Variants in TEX15 observed in about 807,000 individuals in gnomAD.
The protein encoded by TEX15 is testis-expressed protein 15.
Under a neutral mutation model 237.3 loss-of-function variants are expected in TEX15, and 171 were observed. The ratio of observed to expected loss-of-function variants is 0.72; its 90% CI spans 0.64 to 0.82. The LOEUF is 0.82. Ranked by LOEUF, TEX15 falls within the 40% of genes least tolerant of loss-of-function variation. TEX15 has a pLI of 0.00. For synonymous variants in TEX15, 1,338 were observed against 1,269.8 expected, an observed-to-expected ratio of 1.05 and a Z score of -1.14; for missense variants, 3,750 against 3,646.5, an observed-to-expected ratio of 1.03 and a Z score of -0.73.
rs145179725 is a variant in TEX15, at chr8:30,844,026, A to T, written c.6141T>A (p.Ile2047=). Residue 2047 remains isoleucine, a synonymous_variant, in exon 8 of 11, where the codon ATT becomes ATA. Coordinates refer to ENST00000643185, the MANE Select transcript of TEX15 (RefSeq NM_001350162.2). Reference sequence around the variant, plus strand: ...TTTGGTCTACCAACAGTTCTCTTGAAATCAGGATTTGTTCAACTGAACATT... The same window carrying T: ...TTTGGTCTACCAACAGTTCTCTTGATATCAGGATTTGTTCAACTGAACATT... ...KQECSVEQIL[I]SRELLVDQNL... is the part of the protein sequence containing the mutation. The T allele has an allele frequency of 1.4e-4, 233 of 1,611,712 alleles. No individual in the cohort carries two copies. In the African/African-American group the frequency reaches 2.3e-3, roughly 16 times the overall value.
Position 30,845,779 on chromosome 8 carries a change from G to A in TEX15, c.4388C>T (p.Ala1463Val). The A allele has an allele frequency of 6.2e-7, 1 of 1,611,626 alleles. No homozygotes were observed. The change falls in exon 8 of 11, where the codon GCT becomes GTT. Residue 1463 changes from alanine to valine, a missense_variant. By Grantham distance (64) the Ala-to-Val change is moderately conservative. Transcript: ENST00000643185. Reference protein sequence around the residue: ...DKRRKKRAPKADISKSLTHVS... With the variant: ...DKRRKKRAPKVDISKSLTHVS... Reference sequence around the variant, plus strand: ...ATGGGTTAATGATTTAGAAATATCAGCTTTTGGAGCTCTTTTCTTTCTCCG... The same window carrying A: ...ATGGGTTAATGATTTAGAAATATCAACTTTTGGAGCTCTTTTCTTTCTCCG...
In TEX15 at chr8:30,884,873, T is replaced by A. The variant is rs190879826; in HGVS notation, c.136+2294A>T. 1.2e-4 allele frequency among the ~76,000 whole-genome samples: 18 copies of A among 152,290 alleles called. No homozygotes were observed. In the East Asian group the frequency reaches 3.5e-3, roughly 29 times the overall value. ...ATTATTTTCTTCTGCTTATTTTGGATTTAATTTGTCCTCTTTTTTCTAGTT... is the reference window on the plus strand; with the variant it reads ...ATTATTTTCTTCTGCTTATTTTGGAATTAATTTGTCCTCTTTTTTCTAGTT... On this transcript the variant is annotated intron_variant, in intron 3 of 10. Coordinates refer to ENST00000643185, the MANE Select transcript of TEX15 (RefSeq NM_001350162.2).
chr8:30,904,059 G>A (rs1809052502), intron 1 of TEX15, among the ~76,000 whole-genome samples: 1 of 152,128 alleles, frequency 6.6e-6, no homozygotes, highest in Non-Finnish European at 1.5e-5. Context: ...AGACATTAGG[G>A]AAATACAAAG....
chr8:30,909,180 A>C (rs1809168831), intron 1 of TEX15, among the ~76,000 whole-genome samples: 1 of 152,040 alleles, frequency 6.6e-6, no homozygotes, highest in South Asian at 2.1e-4. Context: ...TTATCCTAAA[A>C]AATCTTCAAA....
In TEX15 at chr8:30,837,565, G is replaced by C; in HGVS notation, c.8719C>G (p.Pro2907Ala). ...ACTGTGTCATTCATTTCTAGATCAG[G>C]ATGGACATCTTTCACAAAACAGAAA... is the stretch of plus-strand genomic sequence containing the variant. ...PIFCFVKDVH[P>A]DLEMNDTVFE... The change falls in exon 10 of 11, where the codon CCT (proline) becomes GCT (alanine). Residue 2907 changes from proline to alanine, a missense_variant. Physicochemically the swap from Pro to Ala is conservative, Grantham distance 27. Transcript: ENST00000643185. 1 of 1,613,954 alleles carries C rather than the reference G, an allele frequency of 6.2e-7. No homozygotes were observed. The highest frequency in any genetic ancestry group is 8.5e-7 in the Non-Finnish European group (1 of 1,179,910).
intron 5 of TEX15, among the ~76,000 whole-genome samples, chr8:30,864,945 T>C (rs1289720815): frequency 3.3e-5 from 5 of 152,104 alleles, no homozygotes; most frequent in African/African-American, 1.2e-4. Context: ...AAAATGTGTT[T>C]TGTAAGCCTT....
chr8:30,836,644 C>A (rs1807307240), intron 10 of TEX15, among the ~76,000 whole-genome samples, 159 bp downstream of exon 10: 1 of 152,126 alleles, frequency 6.6e-6, no homozygotes, highest in Admixed American at 6.5e-5. Context: ...TAGATTTCCA[C>A]CCTCTCTGCC....
Position 30,837,086 on chromosome 8 carries a change from T to C in TEX15, c.9198A>G (p.Ser3066=), listed in dbSNP as rs1379830255. ...CAGAAGGAGATGGCTGTACTTCATATGATGTTATCCCTTGGTATGTCTGGG... is the reference window on the plus strand; with the variant it reads ...CAGAAGGAGATGGCTGTACTTCATACGATGTTATCCCTTGGTATGTCTGGG... ...AITQTYQGIT[S]YEVQPSPSGL... The change falls in exon 10 of 11, where the codon TCA becomes TCG. Residue 3066 remains serine, a synonymous_variant. Coordinates refer to ENST00000643185, the MANE Select transcript of TEX15 (RefSeq NM_001350162.2). 2 of 1,614,208 alleles carry C rather than the reference T, an allele frequency of 1.2e-6. No individual in the cohort carries two copies. The highest frequency in any genetic ancestry group is 1.7e-6 in the Non-Finnish European group (2 of 1,180,046).
In TEX15 at chr8:30,842,558, C is replaced by A; in HGVS notation, c.7609G>T (p.Ala2537Ser). Residue 2537 changes from alanine to serine, a missense_variant, in exon 8 of 11, where the codon GCT becomes TCT. Coordinates refer to ENST00000643185, the MANE Select transcript of TEX15 (RefSeq NM_001350162.2). ...AGTTCTCTTGAGAGCAAATGAATAG[C>A]ATATGAGCAATTAACAGCTTCATTA... ...KYNEAVNCSY[A>S]IHLLSRELQE... The A allele has an allele frequency of 6.2e-7, 1 of 1,610,698 alleles. No individual in the cohort carries two copies. Among genetic ancestry groups the A allele is most frequent in the East Asian group, 2.2e-5 (1 of 44,842 alleles).
chr8:30,857,831 T>C (rs977175137), intron 7 of TEX15, among the ~76,000 whole-genome samples: 1 of 151,996 alleles, frequency 6.6e-6, no homozygotes, highest in African/African-American at 2.4e-5. Flanking sequence ...AAAACCACAA[T>C]GAAATAACAT....
chr8:30,899,147 C>G (rs12682172), intron 1 of TEX15, among the ~76,000 whole-genome samples: 7 of 152,152 alleles, frequency 4.6e-5, no homozygotes, highest in Non-Finnish European at 1.0e-4. Context: ...TTGGGAAAAC[C>G]ACCTGTAACG....
At chr8:30,852,090 T>C (rs1190745826) in intron 7 of TEX15, among the ~76,000 whole-genome samples, 2 of 149,530 alleles carry the variant, frequency 1.3e-5, no homozygotes, top group Non-Finnish European at 3.0e-5. Context: ...CTTATGTACA[T>C]TAATTTAATC....
At chr8:30,911,429 G>A (rs1302177481) in intron 1 of TEX15, among the ~76,000 whole-genome samples, 1 of 152,174 alleles carries the variant, frequency 6.6e-6, no homozygotes, top group African/African-American at 2.4e-5. Context: ...TAGGACTACA[G>A]GCGTTGAGCC....
At chr8:30,855,068 A>G (rs1394549566) in intron 7 of TEX15, among the ~76,000 whole-genome samples, 1 of 152,152 alleles carries the variant, frequency 6.6e-6, no homozygotes, top group African/African-American at 2.4e-5. Flanking sequence ...ATACAGACAA[A>G]GATGTCTGCT....
rs763013817 is a variant in TEX15, at chr8:30,845,667, G to A, written c.4500C>T (p.His1500=). Residue 1500 remains histidine, a synonymous_variant, in exon 8 of 11, where the codon CAC becomes CAT. Transcript: ENST00000643185. ...KSMASSVSKS[H]PTTSHMGEFC... is the part of the protein sequence containing the mutation. The stretch of plus-strand genomic sequence containing the variant: ...ATTCTCCCATGTGACTGGTGGTGGG[G>A]TGACTTTTTGAGACACTGCTAGCCA... 3.1e-6 allele frequency: 5 copies of A among 1,613,588 alleles called. No homozygotes were observed. The highest frequency in any genetic ancestry group is 4.2e-6 in the Non-Finnish European group (5 of 1,179,616).
intron 4 of TEX15, among the ~76,000 whole-genome samples, chr8:30,870,515 C>T (rs532847865): frequency 4.6e-5 from 7 of 151,680 alleles, no homozygotes; most frequent in African/African-American, 7.3e-5. Flanking sequence ...GGTGGGGGGT[C>T]GCCTAAAGTA....
intron 1 of TEX15, among the ~76,000 whole-genome samples, chr8:30,908,370 T>C (rs1809152522): frequency 6.6e-6 from 1 of 152,224 alleles, no homozygotes; most frequent in Non-Finnish European, 1.5e-5. Context: ...GCTTTCTCCC[T>C]TTTGACTTGC....
chr8:30,858,744 A>C lies in TEX15; in HGVS notation c.774T>G (p.Phe258Leu), dbSNP rs1429469170. Residue 258 changes from phenylalanine to leucine, a missense_variant, in exon 7 of 11, where the codon TTT becomes TTG. Transcript: ENST00000643185. ...CLPYAVVTVKFLGSKVDNGRL... is the reference protein window; with the variant it reads ...CLPYAVVTVKLLGSKVDNGRL... ...GTCCATTATCTACTTTTGAACCAAGAAATTTTACTGTTACTACAGCATATG... is the reference window on the plus strand; with the variant it reads ...GTCCATTATCTACTTTTGAACCAAGCAATTTTACTGTTACTACAGCATATG... 9 of 1,535,826 alleles carry C rather than the reference A, an allele frequency of 5.9e-6. No homozygotes were observed. Among genetic ancestry groups the C allele is most frequent in the Non-Finnish European group, 7.0e-6 (8 of 1,146,704 alleles).
chr8:30,854,043 A>T (rs1316411869), intron 7 of TEX15, among the ~76,000 whole-genome samples: 3 of 152,064 alleles, frequency 2.0e-5, no homozygotes, highest in Non-Finnish European at 4.4e-5. Context: ...CTATATTAAC[A>T]AAGAAGAAAT....
Sources: gnomAD v4.1 joint callset for allele counts (sites outside exome capture counted in the v4.1 genomes callset) on GRCh38, gnomAD v4.1.1 for gene constraint, MANE v1.5 for transcripts, NCBI Gene and HGNC (gene_info 2026-07-23, HGNC 2026-07-21) for gene names.